The following PCDH11X variants were observed in gnomAD, a reference collection of about 807,000 sequenced individuals.
PCDH11X encodes protocadherin 11 X-linked.
Under a neutral mutation model 53.3 loss-of-function variants are expected in PCDH11X, and 18 were observed. The ratio of observed to expected loss-of-function variants is 0.34; its 90% CI spans 0.23 to 0.50. The LOEUF is 0.50. PCDH11X is among the 20% of genes least tolerant of loss of function. The probability of loss-of-function intolerance (pLI) is 0.98; values close to 1 mark genes in which losing one functional copy is unlikely to be tolerated. For synonymous variants in PCDH11X, 279 were observed against 393.3 expected, an observed-to-expected ratio of 0.71 and a Z score of 3.44; for missense variants, 570 against 1,032.4, an observed-to-expected ratio of 0.55 and a Z score of 6.14.
At chrX:91,933,951 C>T (rs2061416562) in intron 6 of PCDH11X, among the ~76,000 whole-genome samples, 1 of 109,637 alleles carries the variant, frequency 9.1e-6, no homozygotes, top group Admixed American at 9.8e-5. Flanking sequence ...TTCTTAATGG[C>T]CCTTTCGTTG....
At chrX:92,035,073 CT>C (rs1383530174) in intron 6 of PCDH11X, among the ~76,000 whole-genome samples, 1 of 110,669 alleles carries the variant, frequency 9.0e-6, no homozygotes, top group Non-Finnish European at 1.9e-5. Context: ...TAGTTTTTAA[CT>C]TTTTTGTTTC....
intron 4 of PCDH11X, among the ~76,000 whole-genome samples, chrX:91,825,338 G>A (rs1254461631): frequency 3.3e-4 from 37 of 111,240 alleles, no homozygotes; most frequent in East Asian, 5.7e-4. Flanking sequence ...CTCCGTGGGC[G>A]TAGGACCTTC....
At chrX:92,171,530 G>C (rs2065825292) in intron 6 of PCDH11X, among the ~76,000 whole-genome samples, 1 of 111,254 alleles carries the variant, frequency 9.0e-6, no homozygotes. Context: ...TGTGATCTCA[G>C]CTCACTGTAA....
rs190987754 is a variant in PCDH11X at position 92,267,520 on chromosome X, A to G, written c.3144+4377A>G. On this transcript the variant is annotated intron_variant, in intron 8 of 10. Coordinates refer to ENST00000682573, the MANE Select transcript of PCDH11X (RefSeq NM_032968.5). ...TCATTTGCTCCAAGGCTACATGAAG[A>G]TGAGGGGAGCAGTGAAATTGTTTGA... is the stretch of plus-strand genomic sequence containing the variant. Among the ~76,000 whole-genome samples the G allele has an allele frequency of 7.1e-5, 8 of 112,397 alleles. No homozygotes were observed. In the Admixed American group the frequency reaches 7.6e-4, roughly 11 times the overall value.
At chrX:91,916,540 C>T (rs767406752) in intron 6 of PCDH11X, among the ~76,000 whole-genome samples, 17 of 111,137 alleles carry the variant, frequency 1.5e-4, no homozygotes, top group South Asian at 3.8e-4. Context: ...TTACTATGAA[C>T]GCATTTTTGT....
chrX:92,504,377 T>G (rs985045223), intron 10 of PCDH11X, among the ~76,000 whole-genome samples: 1 of 109,618 alleles, frequency 9.1e-6, no homozygotes, highest in Non-Finnish European at 1.9e-5. Context: ...GGTTTCCTGT[T>G]CCTGCATTAG....
intron 6 of PCDH11X, among the ~76,000 whole-genome samples, chrX:92,128,485 C>T (rs35994535): frequency 3.3e-4 from 36 of 108,019 alleles, no homozygotes; most frequent in Admixed American, 2.7e-3. Flanking sequence ...GCAACCTCTG[C>T]CTCCCGGGTT....
chrX:92,433,326 T>A (rs185534609), intron 9 of PCDH11X, among the ~76,000 whole-genome samples: 2 of 110,091 alleles, frequency 1.8e-5, no homozygotes, highest in Non-Finnish European at 3.8e-5. Flanking sequence ...ATTCCTATTA[T>A]TTGCAGTGAT....
intron 6 of PCDH11X, among the ~76,000 whole-genome samples, chrX:91,969,163 G>A (rs2061909776): frequency 9.1e-6 from 1 of 109,567 alleles, no homozygotes; most frequent in African/African-American, 3.3e-5. Context: ...ATTACCCAAA[G>A]GAATGTAGTT....
intron 6 of PCDH11X, among the ~76,000 whole-genome samples, chrX:92,195,721 G>T (rs1447545135): frequency 1.8e-5 from 2 of 111,586 alleles, no homozygotes; most frequent in Non-Finnish European, 3.8e-5. Flanking sequence ...TCCATCCATA[G>T]CTATCAAATT....
intron 1 of PCDH11X, among the ~76,000 whole-genome samples, chrX:91,795,728 T>G (rs2563557): frequency 9.0e-6 from 1 of 111,729 alleles, no homozygotes; most frequent in African/African-American, 3.3e-5. Context: ...ACTATAATAC[T>G]TTACTGCAAC....
chrX:92,226,671 C>A (rs1255553269), intron 7 of PCDH11X, among the ~76,000 whole-genome samples: 1 of 110,685 alleles, frequency 9.0e-6, no homozygotes, highest in Non-Finnish European at 1.9e-5. Flanking sequence ...ATTTTGGCCC[C>A]CTTTGGAGAA....
chrX:92,317,946 AG>A (rs2069116219), intron 8 of PCDH11X, among the ~76,000 whole-genome samples: 1 of 111,595 alleles, frequency 9.0e-6, no homozygotes, highest in African/African-American at 3.2e-5. Context: ...TATTGTTATT[AG>A]TAGTACTGAT....
At chrX:92,565,242 G>C (rs1411453571) in intron 10 of PCDH11X, among the ~76,000 whole-genome samples, 2 of 90,972 alleles carry the variant, frequency 2.2e-5, no homozygotes, top group African/African-American at 3.9e-5. Context: ...AAAAAAGAAA[G>C]AAACAAAAGC....
In PCDH11X at chrX:92,475,492, C is replaced by A. The variant is rs1474817389; in HGVS notation, c.3367+7170C>A. Reference sequence around the variant, plus strand: ...TTCTCCAGCACTTCTTTAAATATGTCATGCCACTCTCTCATGCCCTGTAAA... The same window carrying A: ...TTCTCCAGCACTTCTTTAAATATGTAATGCCACTCTCTCATGCCCTGTAAA... On this transcript the variant is annotated intron_variant, in intron 10 of 10. Transcript: ENST00000682573. Among the ~76,000 whole-genome samples the A allele has an allele frequency of 2.7e-5, 3 of 111,828 alleles. No homozygotes were observed. In the East Asian group the frequency reaches 8.4e-4, roughly 31 times the overall value.
chrX:92,568,064 G>A (rs1478321824), intron 10 of PCDH11X, among the ~76,000 whole-genome samples: 3 of 107,713 alleles, frequency 2.8e-5, no homozygotes, highest in Non-Finnish European at 5.8e-5. Flanking sequence ...GTACTAGTTT[G>A]TGCACAGAGA....
chrX:92,313,280 T>C (rs1241224243), intron 8 of PCDH11X, among the ~76,000 whole-genome samples: 1 of 110,735 alleles, frequency 9.0e-6, no homozygotes, highest in Non-Finnish European at 1.9e-5. Context: ...AAGGTAGGTA[T>C]TTTTAACTTT....
chrX:92,408,496 A>G (rs1428215008), intron 9 of PCDH11X, among the ~76,000 whole-genome samples: 3 of 110,657 alleles, frequency 2.7e-5, no homozygotes, highest in Non-Finnish European at 5.7e-5. Context: ...GTGTTTGCCA[A>G]AGTTACTGGA....
intron 6 of PCDH11X, among the ~76,000 whole-genome samples, chrX:91,920,380 C>G (rs1165343414): frequency 1.6e-4 from 17 of 108,875 alleles, no homozygotes; most frequent in Non-Finnish European, 7.7e-5. Context: ...TCTATAAGTC[C>G]CTTCTATGCT....
Sources: gnomAD v4.1 joint callset for allele counts (sites outside exome capture counted in the v4.1 genomes callset) on GRCh38, gnomAD v4.1.1 for gene constraint, MANE v1.5 for transcripts, NCBI Gene and HGNC (gene_info 2026-07-23, HGNC 2026-07-21) for gene names.